The following CMSS1 variants were observed in gnomAD, a reference collection of about 807,000 sequenced individuals.
CMSS1 encodes cms1 ribosomal small subunit homolog.
In CMSS1, 33 loss-of-function variants were observed where a neutral mutation model predicts 43.5. The ratio of observed to expected loss-of-function variants is 0.76; its 90% CI spans 0.57 to 1.01. The LOEUF (loss-of-function observed/expected upper bound fraction) is 1.01. CMSS1 is among the 50% of genes least tolerant of loss of function. The pLI, the probability that CMSS1 is intolerant of heterozygous loss-of-function variation, is 0.00. For missense variants in CMSS1, 313 were observed against 326.4 expected (o/e 0.96, Z 0.32); for synonymous variants, 115 against 117.2 (o/e 0.98, Z 0.12).
intron 1 of CMSS1, among the ~76,000 whole-genome samples, chr3:100,021,011 C>T (rs920822079): frequency 6.6e-6 from 1 of 152,086 alleles, no homozygotes; most frequent in African/African-American, 2.4e-5. Context: ...GTGATCTGCC[C>T]GCCTTGGCCT....
intron 1 of CMSS1, among the ~76,000 whole-genome samples, chr3:100,085,011 A>G (rs912302431): frequency 1.4e-4 from 22 of 152,138 alleles, no homozygotes; most frequent in African/African-American, 5.3e-4. Flanking sequence ...TCATTTGTTG[A>G]ATTGTGGCGC....
At chr3:100,112,410 A>G (rs2107479924) in intron 1 of CMSS1, among the ~76,000 whole-genome samples, 1 of 152,326 alleles carries the variant, frequency 6.6e-6, no homozygotes, top group Middle Eastern at 3.4e-3. Flanking sequence ...ATAGCACTCT[A>G]TTAAAGGCAC....
chr3:100,103,873 C>G (rs887957227), intron 1 of CMSS1, among the ~76,000 whole-genome samples: 7 of 152,294 alleles, frequency 4.6e-5, no homozygotes, highest in African/African-American at 1.7e-4. Flanking sequence ...TATCAATGAA[C>G]AGCTGATATT....
rs10935982 is a variant in CMSS1 at position 99,840,221 on chromosome 3, C to CTTT, written c.64+22198_64+22200dup. Among the ~76,000 whole-genome samples, 492 of 101,946 alleles carry CTTT rather than the reference C, an allele frequency of 4.8e-3. 3 individuals carry two copies. The highest frequency in any genetic ancestry group is 5.2e-3 in the African/African-American group (136 of 26,024). The allele number at this position is 101,946 out of a possible 152,430, so 66.9% of individuals were successfully genotyped here. On this transcript the variant is annotated intron_variant, in intron 1 of 9. Transcript: ENST00000421999. ...GGTAAAAGAAATTAATTCGTAGAAT[C>CTTT]TTTTTTTTTTTTTTTTTTTTTTGAG...
intron 1 of CMSS1, among the ~76,000 whole-genome samples, chr3:99,824,168 G>A (rs1345869320): frequency 6.6e-5 from 10 of 152,022 alleles, no homozygotes; most frequent in Non-Finnish European, 1.5e-4. Flanking sequence ...TGATCCGCCC[G>A]CCTCAGCCTC....
chr3:99,832,287 GTGGCGCGA>G (rs1433405898), intron 1 of CMSS1, among the ~76,000 whole-genome samples: 4 of 147,646 alleles, frequency 2.7e-5, no homozygotes, highest in Non-Finnish European at 4.5e-5. Flanking sequence ...CTGGAGTGCA[GTGGCGCGA>G]TATCGGCTCA....
chr3:99,925,851 T>A (rs1485746347), intron 1 of CMSS1: 1 of 985,390 alleles, frequency 1.0e-6, no homozygotes, highest in Non-Finnish European at 1.2e-6. Flanking sequence ...ACAGCCAAGC[T>A]CACTGGGCTG....
At chr3:99,966,546 C>T (rs377730434) in intron 1 of CMSS1, among the ~76,000 whole-genome samples, 2 of 152,306 alleles carry the variant, frequency 1.3e-5, no homozygotes, top group East Asian at 3.9e-4. Context: ...TCATCACTAA[C>T]AATTAACTTT....
chr3:99,944,403 G>A (rs1207737285), intron 1 of CMSS1, among the ~76,000 whole-genome samples: 1 of 152,136 alleles, frequency 6.6e-6, no homozygotes, highest in East Asian at 1.9e-4. Flanking sequence ...TTCAGAGGGG[G>A]ATACTCACCC....
intron 1 of CMSS1, among the ~76,000 whole-genome samples, chr3:99,839,866 T>C (rs1340780657): frequency 2.0e-5 from 3 of 152,180 alleles, no homozygotes; most frequent in African/African-American, 4.8e-5. Flanking sequence ...ACACCAGACA[T>C]AAGAGTTTTC....
chr3:100,147,212 A>G (rs1012545941), intron 2 of CMSS1, 151 bp downstream of exon 2: 1 of 663,862 alleles, frequency 1.5e-6, no homozygotes, highest in African/African-American at 1.9e-5. Context: ...GCCATGGGCC[A>G]TGCTTCCTTC....
intron 2 of CMSS1, among the ~76,000 whole-genome samples, chr3:100,153,838 C>T (rs2066944778): frequency 6.7e-6 from 1 of 150,174 alleles, no homozygotes; most frequent in African/African-American, 2.4e-5. Flanking sequence ...GAGGCTATTT[C>T]TTTTTTTTTC....
At chr3:100,148,343 G>C (rs996340946) in intron 2 of CMSS1, among the ~76,000 whole-genome samples, 1 of 152,190 alleles carries the variant, frequency 6.6e-6, no homozygotes, top group Non-Finnish European at 1.5e-5. Flanking sequence ...GCCTCCCAAA[G>C]TGCTGGGATT....
chr3:100,109,927 C>G (rs2066462931), intron 1 of CMSS1: 1 of 134,124 alleles, frequency 7.5e-6, no homozygotes, highest in African/African-American at 2.7e-5. Context: ...GCACCACCCC[C>G]CAGCCAAAGA....
intron 1 of CMSS1, among the ~76,000 whole-genome samples, chr3:99,932,364 A>G (rs1208249437): frequency 1.3e-5 from 2 of 152,164 alleles, no homozygotes; most frequent in Non-Finnish European, 2.9e-5. Context: ...TTTTCATCCT[A>G]GATTATATTT....
At chr3:99,863,829 C>T (rs561284064) in intron 1 of CMSS1, among the ~76,000 whole-genome samples, 4 of 152,292 alleles carry the variant, frequency 2.6e-5, no homozygotes, top group African/African-American at 9.6e-5. Flanking sequence ...TTTATGAGTA[C>T]ATAAGCAAAC....
chr3:99,844,815 T>C (rs891763665), intron 1 of CMSS1, among the ~76,000 whole-genome samples: 1 of 152,172 alleles, frequency 6.6e-6, no homozygotes, highest in Non-Finnish European at 1.5e-5. Context: ...TCATGAGACC[T>C]GATGGTTTAA....
At chr3:99,931,322 T>G (rs2107663609) in intron 1 of CMSS1, among the ~76,000 whole-genome samples, 1 of 152,310 alleles carries the variant, frequency 6.6e-6, no homozygotes, top group Admixed American at 6.5e-5. Context: ...GCATTCCACC[T>G]CAGGAACCCA....
chr3:100,061,561 T>A (rs529315270), intron 1 of CMSS1, among the ~76,000 whole-genome samples: 7 of 152,354 alleles, frequency 4.6e-5, no homozygotes, highest in African/African-American at 1.2e-4. Flanking sequence ...GGAACTTTTT[T>A]AAAAAATTGC....
Sources: gnomAD v4.1 joint callset for allele counts (sites outside exome capture counted in the v4.1 genomes callset) on GRCh38, gnomAD v4.1.1 for gene constraint, MANE v1.5 for transcripts, NCBI Gene and HGNC (gene_info 2026-07-23, HGNC 2026-07-21) for gene names.